Variants in SUMF1 observed in about 807,000 individuals in gnomAD.
The protein encoded by SUMF1 is sulfatase modifying factor 1, also known as formylglycine-generating enzyme.
In SUMF1, 48 loss-of-function variants were observed where a neutral mutation model predicts 47.6. That is an observed-to-expected ratio of 1.01 (90% CI 0.80 to 1.28). The LOEUF (loss-of-function observed/expected upper bound fraction) is 1.28, where lower values mean the gene tolerates loss of function less well. SUMF1 is among the 50% of genes most tolerant of loss of function. SUMF1 has a pLI of 0.00. For synonymous variants in SUMF1, 230 were observed against 192.1 expected, an observed-to-expected ratio of 1.20 and a Z score of -1.63; for missense variants, 571 against 485.4, an observed-to-expected ratio of 1.18 and a Z score of -1.66.
intron 8 of SUMF1, among the ~76,000 whole-genome samples, chr3:4,321,905 C>A (rs924003252): frequency 3.3e-5 from 5 of 152,002 alleles, no homozygotes; most frequent in African/African-American, 7.2e-5. Flanking sequence ...GCTAGGTGAT[C>A]AAGGTCAATA....
chr3:4,217,286 T>C (rs1695945541), intron 8 of SUMF1, among the ~76,000 whole-genome samples: 1 of 150,646 alleles, frequency 6.6e-6, no homozygotes, highest in African/African-American at 2.4e-5. Flanking sequence ...ACACCACATG[T>C]TCTCACTCAT....
rs537259656 is a variant in SUMF1 at position 4,205,553 on chromosome 3, T to A, written c.1015-136808A>T. Among the ~76,000 whole-genome samples, 67 of 152,314 alleles carry A rather than the reference T, an allele frequency of 4.4e-4. No individual in the cohort carries two copies. The South Asian group carries it at 0.013, about 31-fold the overall frequency. ...CACACTCTGGGCTTGTTTGTACCCA[T>A]CCTTCTTAAGAAAGCTTTCTAAGTA... On this transcript the variant is annotated intron_variant and NMD_transcript_variant, in intron 8 of 12. Coordinates refer to the SUMF1 transcript ENST00000448413.
chr3:4,281,759 C>G (rs1697534524), intron 8 of SUMF1, among the ~76,000 whole-genome samples: 1 of 151,518 alleles, frequency 6.6e-6, no homozygotes, highest in Non-Finnish European at 1.5e-5. Context: ...TACAATAAAC[C>G]AATAAAAGTT....
intron 8 of SUMF1, among the ~76,000 whole-genome samples, chr3:4,173,545 T>G (rs1401591651): frequency 6.6e-6 from 1 of 152,134 alleles, no homozygotes; most frequent in Non-Finnish European, 1.5e-5. Flanking sequence ...ACCCAAAGGG[T>G]TATAAATCAT....
intron 8 of SUMF1, among the ~76,000 whole-genome samples, chr3:4,324,269 T>C (rs937628884): frequency 6.6e-6 from 1 of 152,182 alleles, no homozygotes; most frequent in Non-Finnish European, 1.5e-5. Context: ...GATGGCCTCA[T>C]TTGGTATCAT....
intron 8 of SUMF1, among the ~76,000 whole-genome samples, chr3:4,144,928 G>A (rs1030699708): frequency 3.9e-5 from 6 of 152,040 alleles, no homozygotes; most frequent in Non-Finnish European, 8.8e-5. Context: ...GGCAGGGCGC[G>A]GTGGCTCACG....
Position 4,130,570 on chromosome 3 carries a change from G to A in SUMF1, c.1015-61825C>T, listed in dbSNP as rs550111347. Among the ~76,000 whole-genome samples the A allele has an allele frequency of 5.9e-5, 9 of 152,240 alleles. No homozygotes were observed. In the South Asian group the frequency reaches 1.9e-3, roughly 32 times the overall value. On this transcript the variant is annotated intron_variant and NMD_transcript_variant, in intron 8 of 12. Transcript: ENST00000448413. ...CTGAACTTATTGGTGAGACATTTGT[G>A]TGCCACAGGATGAGAAATAAATCCA...
At chr3:4,162,623 T>C (rs1694604157) in intron 8 of SUMF1, among the ~76,000 whole-genome samples, 2 of 152,162 alleles carry the variant, frequency 1.3e-5, no homozygotes, top group Admixed American at 6.5e-5. Context: ...CTTCAGTCAC[T>C]GCATTGTCCT....
At chr3:4,423,407 C>G (rs956808129) in intron 3 of SUMF1, among the ~76,000 whole-genome samples, 1 of 152,118 alleles carries the variant, frequency 6.6e-6, no homozygotes, top group Non-Finnish European at 1.5e-5. Context: ...CAAAGGGGAG[C>G]TTTCCCTCAA....
intron 8 of SUMF1, among the ~76,000 whole-genome samples, chr3:4,299,356 T>G (rs1357271163): frequency 6.6e-6 from 1 of 152,242 alleles, no homozygotes; most frequent in Non-Finnish European, 1.5e-5. Context: ...GCTGGTAGGC[T>G]TTGGCTCTTG....
At chr3:4,386,738 T>C (rs1234871208) in intron 7 of SUMF1, among the ~76,000 whole-genome samples, 2 of 152,098 alleles carry the variant, frequency 1.3e-5, no homozygotes, top group African/African-American at 4.8e-5. Context: ...AGGTATACAG[T>C]TTCTTTGTAG....
chr3:4,245,567 G>C (rs765140333), intron 8 of SUMF1, among the ~76,000 whole-genome samples: 6 of 152,118 alleles, frequency 3.9e-5, no homozygotes, highest in Non-Finnish European at 8.8e-5. Context: ...CACCAGCAGA[G>C]GCTGCAGAAC....
At chr3:4,355,143 A>G (rs1335455281) in intron 8 of SUMF1, among the ~76,000 whole-genome samples, 1 of 152,198 alleles carries the variant, frequency 6.6e-6, no homozygotes, top group Non-Finnish European at 1.5e-5. Flanking sequence ...TGAGCCCTGG[A>G]GTTCAAGACC....
chr3:4,400,177 T>C (rs1460829939), intron 7 of SUMF1, among the ~76,000 whole-genome samples: 4 of 152,192 alleles, frequency 2.6e-5, no homozygotes, highest in Admixed American at 6.5e-5. Flanking sequence ...CCAGAAAAGC[T>C]GCTCAGACAT....
chr3:4,227,652 A>G lies in SUMF1; in HGVS notation c.1014+148678T>C, dbSNP rs1696203809. On this transcript the variant is annotated intron_variant and NMD_transcript_variant, in intron 8 of 12. Coordinates refer to the SUMF1 transcript ENST00000448413. Reference sequence around the variant, plus strand: ...AGAGAAACCTTAATGGTCTCTAGCCATTGCTCCTTTTCCCCCTGCTATGTG... The same window carrying G: ...AGAGAAACCTTAATGGTCTCTAGCCGTTGCTCCTTTTCCCCCTGCTATGTG... Among the ~76,000 whole-genome samples, 2 of 152,100 alleles carry G rather than the reference A, an allele frequency of 1.3e-5. 1 individual carries two copies. Among genetic ancestry groups the G allele is most frequent in the South Asian group, 4.1e-4 (2 of 4,834 alleles).
At chr3:4,082,678 T>C (rs898229273) in intron 8 of SUMF1, among the ~76,000 whole-genome samples, 1 of 152,076 alleles carries the variant, frequency 6.6e-6, no homozygotes, top group Non-Finnish European at 1.5e-5. Flanking sequence ...AACAACTCAA[T>C]TACCCATATT....
chr3:4,466,958 G>A lies in SUMF1; in HGVS notation c.270+18C>T, dbSNP rs1002100989. 6 of 1,604,822 alleles carry A rather than the reference G, an allele frequency of 3.7e-6. No homozygotes were observed. The highest frequency in any genetic ancestry group is 5.1e-6 in the Non-Finnish European group (6 of 1,177,260). On this transcript the variant is annotated intron_variant, in intron 1 of 8. Transcript: ENST00000272902. ...AACCGAGCAGCCCCCACCCGCCTCGGAGGAATCGATGGAGCACCTTTGAGT... is the reference window on the plus strand; with the variant it reads ...AACCGAGCAGCCCCCACCCGCCTCGAAGGAATCGATGGAGCACCTTTGAGT...
chr3:4,401,181 A>G (rs1014054615), intron 7 of SUMF1, among the ~76,000 whole-genome samples: 1 of 152,082 alleles, frequency 6.6e-6, no homozygotes, highest in African/African-American at 2.4e-5. Flanking sequence ...TCCATGGTGT[A>G]TATGTGCCAC....
chr3:4,359,981 G>C (rs551608829), downstream of SUMF1, among the ~76,000 whole-genome samples: 1 of 152,202 alleles, frequency 6.6e-6, no homozygotes, highest in Non-Finnish European at 1.5e-5. Flanking sequence ...TTATGCTGCT[G>C]CTAGAAATGC....
Sources: gnomAD v4.1 joint callset for allele counts (sites outside exome capture counted in the v4.1 genomes callset) on GRCh38, gnomAD v4.1.1 for gene constraint, MANE v1.5 for transcripts, NCBI Gene and HGNC (gene_info 2026-07-23, HGNC 2026-07-21) for gene names.